The following CNTNAP2 variants were observed in gnomAD, a reference collection of about 807,000 sequenced individuals.
CNTNAP2 encodes contactin associated protein 2.
A neutral mutation model predicts 155.2 loss-of-function variants in CNTNAP2; 98 were observed. The ratio of observed to expected loss-of-function variants is 0.63; its 90% CI spans 0.54 to 0.75. CNTNAP2 has a LOEUF of 0.75. CNTNAP2 is among the 30% of genes least tolerant of loss of function. The pLI is 0.00. For synonymous variants in CNTNAP2, 651 were observed against 631.2 expected, an observed-to-expected ratio of 1.03 and a Z score of -0.47; for missense variants, 1,727 against 1,688.1, an observed-to-expected ratio of 1.02 and a Z score of -0.40.
intron 10 of CNTNAP2, among the ~76,000 whole-genome samples, chr7:147,399,307 C>G (rs946460597): frequency 6.6e-6 from 1 of 152,144 alleles, no homozygotes; most frequent in Non-Finnish European, 1.5e-5. Flanking sequence ...AAGGATGAAT[C>G]TGGGCTGTGG....
chr7:147,216,540 C>T (rs1377657270), intron 8 of CNTNAP2, among the ~76,000 whole-genome samples: 4 of 104,664 alleles, frequency 3.8e-5, no homozygotes, highest in Non-Finnish European at 8.6e-5. Context: ...ATTCCTTCAC[C>T]AACACTAAAC....
At chr7:146,569,688 C>G (rs1798412350) in intron 1 of CNTNAP2, among the ~76,000 whole-genome samples, 1 of 152,130 alleles carries the variant, frequency 6.6e-6, no homozygotes, top group South Asian at 2.1e-4. Flanking sequence ...CTTCAAAGCT[C>G]ACAGACAAGG....
At chr7:146,991,131 G>T (rs962939109) in intron 3 of CNTNAP2, among the ~76,000 whole-genome samples, 1 of 151,488 alleles carries the variant, frequency 6.6e-6, no homozygotes, top group Admixed American at 6.6e-5. Context: ...AATGCATTCA[G>T]AAAAAAAGAA....
chr7:148,037,451 A>G (rs1802591711), intron 15 of CNTNAP2, among the ~76,000 whole-genome samples: 1 of 152,186 alleles, frequency 6.6e-6, no homozygotes, highest in African/African-American at 2.4e-5. Context: ...AATAAATTTT[A>G]ATGGGTTACA....
At chr7:147,853,839 T>A (rs187694956) in intron 13 of CNTNAP2, among the ~76,000 whole-genome samples, 1 of 152,334 alleles carries the variant, frequency 6.6e-6, no homozygotes, top group East Asian at 1.9e-4. Flanking sequence ...TTGTTAAGAC[T>A]CAAAACATTT....
intron 1 of CNTNAP2, among the ~76,000 whole-genome samples, chr7:146,707,257 A>T: frequency 6.6e-6 from 1 of 152,128 alleles, no homozygotes; most frequent in African/African-American, 2.4e-5. Context: ...ATACTAGCAC[A>T]GACTCCCACT....
At chr7:146,745,761 T>C (rs1378724968) in intron 1 of CNTNAP2, among the ~76,000 whole-genome samples, 2 of 129,976 alleles carry the variant, frequency 1.5e-5, no homozygotes, top group Non-Finnish European at 3.1e-5. Context: ...CAAGACTCCA[T>C]CTGAAAAAAA....
intron 1 of CNTNAP2, among the ~76,000 whole-genome samples, chr7:146,119,631 A>G (rs1797534856): frequency 6.6e-6 from 1 of 152,104 alleles, no homozygotes; most frequent in African/African-American, 2.4e-5. Context: ...TATTATAAAG[A>G]CCTTGATGGT....
At chr7:147,904,782 ATG>A (rs998943891) in intron 14 of CNTNAP2, among the ~76,000 whole-genome samples, 5 of 152,346 alleles carry the variant, frequency 3.3e-5, no homozygotes, top group African/African-American at 9.6e-5. Flanking sequence ...ATGGCTTAGA[ATG>A]TGTGTGTATA....
intron 1 of CNTNAP2, among the ~76,000 whole-genome samples, chr7:146,555,717 G>T (rs1006126273): frequency 6.6e-6 from 1 of 152,140 alleles, no homozygotes; most frequent in African/African-American, 2.4e-5. Context: ...GTGAGCAAGT[G>T]GTACCACATC....
chr7:146,663,052 C>A (rs538087932), intron 1 of CNTNAP2, among the ~76,000 whole-genome samples: 1 of 151,970 alleles, frequency 6.6e-6, no homozygotes, highest in East Asian at 1.9e-4. Flanking sequence ...CTAAGGCGGG[C>A]GGATCACCTG....
chr7:147,231,533 A>G (rs1395718506), intron 8 of CNTNAP2, among the ~76,000 whole-genome samples: 1 of 152,220 alleles, frequency 6.6e-6, no homozygotes, highest in Non-Finnish European at 1.5e-5. Flanking sequence ...GTGGCTGTAC[A>G]AATTTACATT....
intron 4 of CNTNAP2, 27 bp downstream of exon 4, chr7:147,044,081 G>A: frequency 1.2e-6 from 2 of 1,613,256 alleles, no homozygotes; most frequent in Non-Finnish European, 1.7e-6. Context: ...TTAAATTTGT[G>A]GCAGGTTTTA....
intron 1 of CNTNAP2, among the ~76,000 whole-genome samples, chr7:146,634,456 T>A (rs1799564789): frequency 6.6e-6 from 1 of 152,198 alleles, no homozygotes; most frequent in Non-Finnish European, 1.5e-5. Context: ...AATTTATATG[T>A]AATTCAAACA....
chr7:146,132,504 C>T (rs1470729932), intron 1 of CNTNAP2, among the ~76,000 whole-genome samples: 2 of 151,554 alleles, frequency 1.3e-5, no homozygotes. Flanking sequence ...CATGCTGGTG[C>T]ACTGCACCAA....
At chr7:146,550,861 T>C (rs1339185919) in intron 1 of CNTNAP2, among the ~76,000 whole-genome samples, 1 of 152,050 alleles carries the variant, frequency 6.6e-6, no homozygotes, top group Non-Finnish European at 1.5e-5. Flanking sequence ...AGAGAAATAT[T>C]CAGGGGATGC....
intron 3 of CNTNAP2, among the ~76,000 whole-genome samples, chr7:146,898,783 GA>G (rs1200090783): frequency 1.3e-5 from 2 of 151,406 alleles, no homozygotes; most frequent in African/African-American, 4.8e-5. Flanking sequence ...TACATGCAAT[GA>G]AAAAAAAGAC....
intron 3 of CNTNAP2, among the ~76,000 whole-genome samples, chr7:146,955,136 T>C (rs1272929489): frequency 6.6e-6 from 1 of 152,034 alleles, no homozygotes; most frequent in Non-Finnish European, 1.5e-5. Flanking sequence ...GCAAAACTTA[T>C]AATATAGATT....
rs374433663 is a variant in CNTNAP2 at position 148,020,359 on chromosome 7, T to A, written c.2383+42370T>A. Among the ~76,000 whole-genome samples the A allele has an allele frequency of 6.6e-5, 10 of 152,238 alleles. 2 individuals are homozygous for A. The East Asian group carries it at 1.3e-3, about 21-fold the overall frequency. ...CTTACTTTTATCACTAGTCTCCGAT[T>A]AACTACATGTTCAAGTTTACTGTAT... On this transcript the variant is annotated intron_variant, in intron 15 of 23. Coordinates refer to ENST00000361727, the MANE Select transcript of CNTNAP2 (RefSeq NM_014141.6).
Sources: gnomAD v4.1 joint callset for allele counts (sites outside exome capture counted in the v4.1 genomes callset) on GRCh38, gnomAD v4.1.1 for gene constraint, MANE v1.5 for transcripts, NCBI Gene and HGNC (gene_info 2026-07-23, HGNC 2026-07-21) for gene names.